PDE8A: variants seen among roughly 807,000 people sequenced by gnomAD.
The protein encoded by PDE8A is high affinity cAMP-specific and IBMX-insensitive 3',5'-cyclic phosphodiesterase 8A.
In PDE8A, 59 loss-of-function variants were observed where a neutral mutation model predicts 105.0. That is an observed-to-expected ratio of 0.56 (90% CI 0.46 to 0.70). PDE8A has a LOEUF of 0.70. PDE8A is among the 30% of genes least tolerant of loss of function. The pLI, the probability that PDE8A is intolerant of heterozygous loss-of-function variation, is 0.00. For synonymous variants in PDE8A, 355 were observed against 371.9 expected (o/e 0.95, Z 0.52); for missense variants, 1,014 against 1,045.9 (o/e 0.97, Z 0.42).
At position 85,065,179 on chromosome 15, in the gene PDE8A, A is replaced by T. The variant is rs539645395; in HGVS notation, c.243+753A>T. Among the ~76,000 whole-genome samples, 68 of 152,200 alleles carry T rather than the reference A, an allele frequency of 4.5e-4. 1 individual carries two copies. In the South Asian group the frequency reaches 0.014, roughly 31 times the overall value. ...AAATTTTCCAATATAAAAAGTAAAA[A>T]GATTGTCTTTTCAATGTTGCTGAAT... On this transcript the variant is annotated intron_variant, in intron 2 of 21. Coordinates refer to ENST00000394553, the MANE Select transcript of PDE8A (RefSeq NM_002605.3).
chr15:85,056,376 T>C (rs1367193601), intron 1 of PDE8A, among the ~76,000 whole-genome samples: 2 of 152,218 alleles, frequency 1.3e-5, no homozygotes, highest in African/African-American at 4.8e-5. Context: ...GTTGGAGAAG[T>C]TTTCCTGGAT....
intron 1 of PDE8A, among the ~76,000 whole-genome samples, chr15:85,026,807 AT>A (rs1208586127): frequency 6.6e-6 from 1 of 152,232 alleles, no homozygotes; most frequent in Non-Finnish European, 1.5e-5. Context: ...AATTTAAAAA[AT>A]AAAACAAGTT....
intron 1 of PDE8A, among the ~76,000 whole-genome samples, chr15:84,987,528 A>G (rs1210144448): frequency 1.5e-5 from 2 of 136,288 alleles, no homozygotes; most frequent in Non-Finnish European, 3.0e-5. Flanking sequence ...CTGGAGTGTA[A>G]TGGTGCGATC....
intron 3 of PDE8A, among the ~76,000 whole-genome samples, chr15:85,075,286 C>G (rs2081365397): frequency 6.6e-6 from 1 of 152,226 alleles, no homozygotes; most frequent in Non-Finnish European, 1.5e-5. Flanking sequence ...GTCCTCTGTT[C>G]TTAACCTTTT....
At chr15:85,070,054 C>G (rs548262902) in intron 3 of PDE8A, among the ~76,000 whole-genome samples, 5 of 152,298 alleles carry the variant, frequency 3.3e-5, no homozygotes, top group African/African-American at 9.6e-5. Flanking sequence ...ACCCCCGAAC[C>G]AGCTTGCCCT....
chr15:85,090,701 C>G, intron 7 of PDE8A: 1 of 432,362 alleles, frequency 2.3e-6, no homozygotes, highest in Non-Finnish European at 4.7e-6. Context: ...CCCCCACCCC[C>G]ACCCCCATCT....
chr15:85,064,048 C>T (rs2141451014), intron 1 of PDE8A: 1 of 241,432 alleles, frequency 4.1e-6, no homozygotes, highest in African/African-American at 2.3e-5. Flanking sequence ...ATTGTCATCT[C>T]ATTTGGCCTT....
chr15:85,027,813 AT>A (rs775286591), intron 1 of PDE8A, among the ~76,000 whole-genome samples: 78 of 151,516 alleles, frequency 5.1e-4, no homozygotes, highest in Non-Finnish European at 8.5e-4. Flanking sequence ...TTTACCACTG[AT>A]TTTTTTTTGG....
At chr15:85,099,929 G>A (rs1351534693) in intron 9 of PDE8A, 86 bp from the exon 10 acceptor site, 10 of 1,054,310 alleles carry the variant, frequency 9.5e-6, no homozygotes, top group Non-Finnish European at 1.4e-5. Flanking sequence ...CAAAAGGGAG[G>A]TGCCATTTTC....
intron 20 of PDE8A, among the ~76,000 whole-genome samples, chr15:85,131,601 C>T (rs2082330744): frequency 6.6e-6 from 1 of 152,188 alleles, no homozygotes; most frequent in African/African-American, 2.4e-5. Flanking sequence ...TGTCCATTAA[C>T]ATTTAAAATT....
intron 1 of PDE8A, among the ~76,000 whole-genome samples, chr15:84,995,347 C>G (rs2079959334): frequency 6.7e-6 from 1 of 150,214 alleles, no homozygotes; most frequent in South Asian, 2.1e-4. Flanking sequence ...CAGGGTCTCC[C>G]TCTGTTGCCT....
rs2081788496 is a variant in PDE8A, at chr15:85,098,017, C to G, written c.922C>G (p.Pro308Ala). 1.3e-6 allele frequency: 2 copies of G among 1,595,650 alleles called. No homozygotes were observed. The highest frequency in any genetic ancestry group is 1.7e-6 in the Non-Finnish European group (2 of 1,163,602). Residue 308 changes from proline to alanine, a missense_variant, in exon 9 of 22, where the codon CCT (proline) becomes GCT (alanine). Transcript: ENST00000394553. ...TATACAACAAAATGTGAAGATAATACCTGTCATTGGACAGGGAGGGTAAGT... is the reference window on the plus strand; with the variant it reads ...TATACAACAAAATGTGAAGATAATAGCTGTCATTGGACAGGGAGGGTAAGT... Reference protein sequence around the residue: ...DNIQQNVKIIPVIGQGGKIRH... With the variant: ...DNIQQNVKIIAVIGQGGKIRH...
intron 1 of PDE8A, among the ~76,000 whole-genome samples, chr15:85,033,384 A>G (rs911419617): frequency 2.0e-5 from 3 of 152,096 alleles, no homozygotes; most frequent in Admixed American, 2.0e-4. Flanking sequence ...ACCTTGTAGC[A>G]GGAAGGAGAG....
intron 6 of PDE8A, among the ~76,000 whole-genome samples, chr15:85,086,679 C>T (rs1456406448): frequency 6.6e-6 from 1 of 152,190 alleles, no homozygotes; most frequent in African/African-American, 2.4e-5. Flanking sequence ...TAGGGCTTCT[C>T]ACAGATCCAT....
chr15:85,103,328 G>T (rs2081896515), intron 11 of PDE8A, among the ~76,000 whole-genome samples: 1 of 152,204 alleles, frequency 6.6e-6, no homozygotes, highest in South Asian at 2.1e-4. Flanking sequence ...GTTCGGCAGG[G>T]GGAGCATCTC....
chr15:85,122,392 T>C (rs1335848216), intron 18 of PDE8A, among the ~76,000 whole-genome samples: 1 of 152,206 alleles, frequency 6.6e-6, no homozygotes, highest in African/African-American at 2.4e-5. Flanking sequence ...AAGAGGATTT[T>C]TGATTTTGTA....
intron 20 of PDE8A, among the ~76,000 whole-genome samples, chr15:85,128,977 T>A (rs1459101019): frequency 6.6e-6 from 1 of 152,220 alleles, no homozygotes; most frequent in Non-Finnish European, 1.5e-5. Flanking sequence ...TAGCAGTTTC[T>A]TTTTTCTTCC....
At chr15:85,047,022 A>G (rs1428993049) in intron 1 of PDE8A, among the ~76,000 whole-genome samples, 2 of 152,238 alleles carry the variant, frequency 1.3e-5, no homozygotes, top group Non-Finnish European at 2.9e-5. Flanking sequence ...ATTTAAAAGT[A>G]TAAAAGATTA....
chr15:85,001,419 A>G (rs530747712), intron 1 of PDE8A, among the ~76,000 whole-genome samples: 10 of 152,342 alleles, frequency 6.6e-5, no homozygotes, highest in South Asian at 6.2e-4. Context: ...AAGGGTTCCA[A>G]CTGTCAAAGT....
Sources: allele counts gnomAD v4.1 joint callset (sites outside exome capture counted in the v4.1 genomes callset), GRCh38; gene constraint gnomAD v4.1.1; transcripts MANE v1.5; gene names NCBI Gene and HGNC (gene_info 2026-07-23, HGNC 2026-07-21).